ALK: variants seen among roughly 807,000 people sequenced by gnomAD.
ALK encodes the protein ALK tyrosine kinase receptor.
ALK carries 74 observed loss-of-function variants against 163.1 expected under a neutral mutation model. That is an observed-to-expected ratio of 0.45 (90% CI 0.38 to 0.55). The LOEUF is 0.55. Among genes scored for constraint, ALK ranks in the 20% least tolerant of loss-of-function variants. ALK has a pLI of 0.00. For missense variants in ALK, 2,063 were observed against 2,105.3 expected (o/e 0.98, Z 0.39); for synonymous variants, 960 against 843.2 (o/e 1.14, Z -2.40).
chr2:29,848,868 C>A (rs556641364), intron 1 of ALK, among the ~76,000 whole-genome samples: 1 of 152,258 alleles, frequency 6.6e-6, no homozygotes, highest in African/African-American at 2.4e-5. Flanking sequence ...CCACGAGGGA[C>A]CCCAACAGCA....
intron 1 of ALK, among the ~76,000 whole-genome samples, chr2:29,863,698 T>C (rs1374142003): frequency 6.6e-6 from 1 of 152,136 alleles, no homozygotes; most frequent in African/African-American, 2.4e-5. Flanking sequence ...AGTACAGCCA[T>C]TTATGGAAAT....
chr2:29,812,725 G>A (rs983782044), intron 1 of ALK, among the ~76,000 whole-genome samples: 4 of 152,074 alleles, frequency 2.6e-5, no homozygotes, highest in Admixed American at 1.3e-4. Context: ...TCACCTGTCC[G>A]GAGACCTCCA....
intron 4 of ALK, among the ~76,000 whole-genome samples, chr2:29,399,573 G>A (rs950521337): frequency 2.6e-5 from 4 of 152,194 alleles, no homozygotes; most frequent in African/African-American, 9.7e-5. Context: ...TTGGGATTGG[G>A]ATTTCTAGGC....
At chr2:29,700,039 A>G (rs1678686124) in intron 2 of ALK, among the ~76,000 whole-genome samples, 1 of 152,198 alleles carries the variant, frequency 6.6e-6, no homozygotes, top group South Asian at 2.1e-4. Flanking sequence ...TGTACCCTCC[A>G]TGGTGCCATT....
intron 1 of ALK, among the ~76,000 whole-genome samples, chr2:29,720,084 T>G (rs1019776805): frequency 6.6e-6 from 1 of 152,078 alleles, no homozygotes; most frequent in Middle Eastern, 3.2e-3. Context: ...GATATTAACT[T>G]CTTCCTGGAT....
intron 4 of ALK, among the ~76,000 whole-genome samples, chr2:29,389,211 T>C (rs543328916): frequency 2.0e-5 from 3 of 152,220 alleles, no homozygotes; most frequent in South Asian, 4.2e-4. Context: ...AGAATAAACA[T>C]AGGTACCAAG....
chr2:29,303,537 C>T (rs1666426068), intron 8 of ALK, among the ~76,000 whole-genome samples: 1 of 152,136 alleles, frequency 6.6e-6, no homozygotes, highest in Admixed American at 6.5e-5. Flanking sequence ...ACTGGGTGTC[C>T]ACCCAAAGGA....
intron 8 of ALK, among the ~76,000 whole-genome samples, chr2:29,300,554 C>CAAAAAAAA (rs10715550): frequency 4.2e-5 from 4 of 95,524 alleles, no homozygotes; most frequent in Non-Finnish European, 6.3e-5. Flanking sequence ...GACTCTGTCT[C>CAAAAAAAA]AAAAAAAAAA....
intron 11 of ALK, among the ~76,000 whole-genome samples, chr2:29,263,978 A>G (rs529626506): frequency 1.3e-4 from 20 of 152,372 alleles, no homozygotes; most frequent in African/African-American, 4.6e-4. Context: ...GCTACTTGCA[A>G]TGAAACACCA....
chr2:29,881,319 C>T (rs931165670), intron 1 of ALK, among the ~76,000 whole-genome samples: 1 of 151,766 alleles, frequency 6.6e-6, no homozygotes, highest in African/African-American at 2.4e-5. Flanking sequence ...TATTGTTCTG[C>T]TAACTTGCTA....
intron 1 of ALK, among the ~76,000 whole-genome samples, chr2:29,739,688 A>G (rs925675935): frequency 3.3e-5 from 5 of 152,032 alleles, no homozygotes; most frequent in African/African-American, 1.2e-4. Flanking sequence ...CCTTTTTCTC[A>G]TCTGTTACAA....
intron 9 of ALK, among the ~76,000 whole-genome samples, chr2:29,276,088 G>A (rs10175482): frequency 0.016 from 2,390 of 152,118 alleles, 59 homozygotes; most frequent in African/African-American, 0.054. Context: ...CTGCTGCCCC[G>A]ACCCCTCAAT....
intron 3 of ALK, among the ~76,000 whole-genome samples, chr2:29,612,305 G>T (rs1247846885): frequency 1.3e-5 from 2 of 152,160 alleles, no homozygotes; most frequent in African/African-American, 4.8e-5. Flanking sequence ...TTCCCCTCCT[G>T]TGCTTTTAGC....
chr2:29,466,892 C>T (rs1558336698), intron 4 of ALK, among the ~76,000 whole-genome samples: 1 of 152,282 alleles, frequency 6.6e-6, no homozygotes, highest in East Asian at 1.9e-4. Flanking sequence ...TGTGTTTACA[C>T]TTGATTGGAT....
chr2:29,783,121 C>A (rs1317857453), intron 1 of ALK, among the ~76,000 whole-genome samples: 1 of 152,208 alleles, frequency 6.6e-6, no homozygotes, highest in African/African-American at 2.4e-5. Flanking sequence ...ACATTACGGG[C>A]TCTTCGCTTT....
intron 28 of ALK, among the ~76,000 whole-genome samples, chr2:29,194,696 TAG>T (rs1231348910): frequency 7.4e-6 from 1 of 135,378 alleles, no homozygotes; most frequent in African/African-American, 2.8e-5. Context: ...GTGTTTTTAG[TAG>T]AGACAAGGTT....
intron 1 of ALK, among the ~76,000 whole-genome samples, chr2:29,910,963 G>A (rs1317088178): frequency 6.6e-6 from 1 of 151,632 alleles, no homozygotes; most frequent in Non-Finnish European, 1.5e-5. Flanking sequence ...GAAATACTCT[G>A]GACGAAACAA....
intron 1 of ALK, among the ~76,000 whole-genome samples, chr2:29,850,326 C>T (rs1665957535): frequency 6.6e-6 from 1 of 152,160 alleles, no homozygotes; most frequent in Non-Finnish European, 1.5e-5. Context: ...GGGGGCACTT[C>T]CGGGTGCTGG....
chr2:29,447,966 A>T (rs1670728101), intron 4 of ALK, among the ~76,000 whole-genome samples: 1 of 152,180 alleles, frequency 6.6e-6, no homozygotes, highest in African/African-American at 2.4e-5. Context: ...ACAAAAACTG[A>T]TAAGGAGTCA....
Sources: gnomAD v4.1 joint callset for allele counts (sites outside exome capture counted in the v4.1 genomes callset) on GRCh38, gnomAD v4.1.1 for gene constraint, MANE v1.5 for transcripts, NCBI Gene and HGNC (gene_info 2026-07-23, HGNC 2026-07-21) for gene names.